IGFL2: variants seen among roughly 807,000 people sequenced by gnomAD.
IGFL2 encodes IGF like family member 2.
IGFL2 carries 7 observed loss-of-function variants against 13.9 expected under a neutral mutation model. The ratio of observed to expected loss-of-function variants is 0.51; its 90% confidence interval spans 0.29 to 0.95. The LOEUF (loss-of-function observed/expected upper bound fraction) is 0.95, where lower values mean the gene tolerates loss of function less well. Ranked by LOEUF, IGFL2 falls within the 40% of genes least tolerant of loss-of-function variation. The probability of loss-of-function intolerance (pLI) is 0.08; values close to 1 mark genes in which losing one functional copy is unlikely to be tolerated. For synonymous variants in IGFL2, 55 were observed against 55.8 expected, an observed-to-expected ratio of 0.99 and a Z score of 0.07; for missense variants, 138 against 147.8, an observed-to-expected ratio of 0.93 and a Z score of 0.34.
At chr19:46,180,596 T>A in the IGFL2 span, 1 of 152,372 alleles carries the variant, frequency 6.6e-6, no homozygotes, top group Non-Finnish European at 1.5e-5. Context: ...TTAAGGAGAA[T>A]TGACTCACAT....
At chr19:46,088,305 T>C in the IGFL2 span, among the ~76,000 whole-genome samples, 2 of 152,240 alleles carry the variant, frequency 1.3e-5, no homozygotes, top group African/African-American at 4.8e-5. Flanking sequence ...ATTCTGTGTC[T>C]TTTGATTGGA....
chr19:46,179,915 C>CA, the IGFL2 span, among the ~76,000 whole-genome samples: 1 of 151,352 alleles, frequency 6.6e-6, no homozygotes, highest in African/African-American at 2.4e-5. Flanking sequence ...GACTCTGTCT[C>CA]AAAAAAAGCA....
chr19:46,180,231 T>A, the IGFL2 span, among the ~76,000 whole-genome samples: 1 of 149,480 alleles, frequency 6.7e-6, no homozygotes, highest in Non-Finnish European at 1.5e-5. Flanking sequence ...CAGGCTGGAG[T>A]GCAGTGGCAC....
the IGFL2 span, chr19:46,120,076 G>T: frequency 1.9e-6 from 1 of 534,636 alleles, no homozygotes; most frequent in Non-Finnish European, 3.3e-6. Context: ...ATTGAAGATG[G>T]TAAATGTGGG....
chr19:46,159,155 G>A (rs186115362), intron 1 of IGFL2: 1 of 152,342 alleles, frequency 6.6e-6, no homozygotes, highest in East Asian at 1.9e-4. Flanking sequence ...AGTTTATGGT[G>A]CCTGTGCACT....
the IGFL2 span, chr19:46,204,052 A>C: frequency 6.6e-6 from 1 of 152,120 alleles, no homozygotes. Context: ...ATTTCACCAG[A>C]TTCCTGTCTG....
chr19:46,176,782 C>G, the IGFL2 span, among the ~76,000 whole-genome samples: 1 of 152,178 alleles, frequency 6.6e-6, no homozygotes, highest in Non-Finnish European at 1.5e-5. Context: ...CCGGACCACA[C>G]TCCCCCCAGC....
At chr19:46,213,784 C>G in the IGFL2 span, 11 of 155,082 alleles carry the variant, frequency 7.1e-5, no homozygotes, top group Admixed American at 7.1e-4. Flanking sequence ...TCTTCCCCTT[C>G]CCTCTCCCAC....
the IGFL2 span, among the ~76,000 whole-genome samples, chr19:46,095,999 T>C: frequency 1.1e-4 from 17 of 152,200 alleles, no homozygotes. Context: ...CTTGGCTATA[T>C]GGGCTCTTTT....
At chr19:46,197,254 A>G in the IGFL2 span, 5 of 192,294 alleles carry the variant, frequency 2.6e-5, no homozygotes, top group Admixed American at 1.6e-4. Flanking sequence ...GTGCTCCTTG[A>G]CCCTGACCTC....
chr19:46,173,340 T>C, the IGFL2 span, among the ~76,000 whole-genome samples: 2 of 152,212 alleles, frequency 1.3e-5, no homozygotes, highest in Non-Finnish European at 2.9e-5. Flanking sequence ...CGTATCCTCA[T>C]GTGATTCACG....
At chr19:46,110,040 T>G in the IGFL2 span, among the ~76,000 whole-genome samples, 1 of 152,186 alleles carries the variant, frequency 6.6e-6, no homozygotes, top group Non-Finnish European at 1.5e-5. Context: ...CATGTTCGAG[T>G]AAGCCTAGAT....
chr19:46,153,206 G>T (rs1043784181), intron 1 of IGFL2, among the ~76,000 whole-genome samples: 2 of 152,064 alleles, frequency 1.3e-5, no homozygotes, highest in South Asian at 2.1e-4. Context: ...GTTGTGTTTG[G>T]TTTTTTTGAA....
chr19:46,137,022 C>T, the IGFL2 span: 111 of 1,582,678 alleles, frequency 7.0e-5, 1 homozygote, highest in African/African-American at 1.2e-3. Context: ...TCTTTCAATG[C>T]AGTCACAGTG....
chr19:46,160,617 C>G lies in IGFL2; in HGVS notation c.77C>G (p.Pro26Arg). Reference sequence around the variant, plus strand: ...CAATGTCTGTCCATCTGTCCAGCTCCCGCTGGCTCAGAACCATGGCTGTGC... The same window carrying G: ...CAATGTCTGTCCATCTGTCCAGCTCGCGCTGGCTCAGAACCATGGCTGTGC... ...LLLCPREVIA[P>R]AGSEPWLCQP... Residue 26 changes from proline (P) to arginine (R), a missense_variant, in exon 3 of 4, where the codon CCC becomes CGC. Transcript: ENST00000377693. The G allele has an allele frequency of 6.2e-7, 1 of 1,614,148 alleles. No individual in the cohort carries two copies. The highest frequency in any genetic ancestry group is 1.1e-5 in the South Asian group (1 of 91,082).
chr19:46,173,996 T>G, the IGFL2 span: 3 of 152,286 alleles, frequency 2.0e-5, no homozygotes, highest in African/African-American at 7.2e-5. Context: ...TCCTTTGGAC[T>G]GGGTATGAGC....
At chr19:46,168,640 A>G in the IGFL2 span, among the ~76,000 whole-genome samples, 1 of 152,132 alleles carries the variant, frequency 6.6e-6, no homozygotes, top group Admixed American at 6.5e-5. Flanking sequence ...CTGACAAACA[A>G]CTTTGTATCA....
downstream of IGFL2, among the ~76,000 whole-genome samples, chr19:46,165,312 C>A (rs1306867965): frequency 1.3e-5 from 2 of 152,244 alleles, no homozygotes; most frequent in Non-Finnish European, 2.9e-5. Flanking sequence ...CTGAAGTTAT[C>A]TGTAGAATCA....
At chr19:46,110,392 C>CT in the IGFL2 span, among the ~76,000 whole-genome samples, 1 of 152,290 alleles carries the variant, frequency 6.6e-6, no homozygotes, top group East Asian at 1.9e-4. Flanking sequence ...CACTCACTGC[C>CT]TTTTTTGGCT....
Sources: allele counts gnomAD v4.1 joint callset (sites outside exome capture counted in the v4.1 genomes callset), GRCh38; gene constraint gnomAD v4.1.1; transcripts MANE v1.5; gene names NCBI Gene and HGNC (gene_info 2026-07-23, HGNC 2026-07-21).